The following SEMA5A variants were observed in gnomAD, a reference collection of about 807,000 sequenced individuals.
The protein encoded by SEMA5A is semaphorin 5A, also known as semaphorin-5A.
SEMA5A carries 55 observed loss-of-function variants against 135.5 expected under a neutral mutation model. That is an observed-to-expected ratio of 0.41 (90% CI 0.33 to 0.51). SEMA5A has a LOEUF of 0.51. Among genes scored for constraint, SEMA5A ranks in the 20% least tolerant of loss-of-function variants. The pLI is 0.37. For synonymous variants in SEMA5A, 580 were observed against 546.5 expected, an observed-to-expected ratio of 1.06 and a Z score of -0.85; for missense variants, 1,290 against 1,419.9, an observed-to-expected ratio of 0.91 and a Z score of 1.47.
At chr5:9,508,148 G>C (rs1009384587) in intron 1 of SEMA5A, among the ~76,000 whole-genome samples, 1 of 152,166 alleles carries the variant, frequency 6.6e-6, no homozygotes, top group Non-Finnish European at 1.5e-5. Context: ...ACAAAGCTTC[G>C]AATTTATCAC....
At chr5:9,426,316 C>T (rs1579520271) in intron 2 of SEMA5A, among the ~76,000 whole-genome samples, 1 of 151,502 alleles carries the variant, frequency 6.6e-6, no homozygotes, top group African/African-American at 2.4e-5. Context: ...TCCCAGCTAC[C>T]CGGCAGGCTG....
intron 4 of SEMA5A, among the ~76,000 whole-genome samples, chr5:9,327,789 G>A (rs1752945390): frequency 6.6e-6 from 1 of 152,080 alleles, no homozygotes; most frequent in Admixed American, 6.6e-5. Flanking sequence ...TCTAAGTGCT[G>A]TGAGGATTAC....
At chr5:9,509,587 T>G (rs56095432) in intron 1 of SEMA5A, among the ~76,000 whole-genome samples, 10,299 of 152,150 alleles carry the variant, frequency 0.068, 398 homozygotes, top group South Asian at 0.099. Flanking sequence ...AACATAAAAT[T>G]ATTTAATGAG....
At chr5:9,270,229 C>G (rs1749900081) in intron 5 of SEMA5A, among the ~76,000 whole-genome samples, 1 of 152,098 alleles carries the variant, frequency 6.6e-6, no homozygotes, top group Non-Finnish European at 1.5e-5. Flanking sequence ...TTAAGTGCAT[C>G]CAGTGTGATT....
At chr5:9,143,050 A>G (rs536359265) in intron 12 of SEMA5A, among the ~76,000 whole-genome samples, 2 of 152,374 alleles carry the variant, frequency 1.3e-5, no homozygotes, top group East Asian at 1.9e-4. Context: ...AGATCCTTCA[A>G]TTGGTAAATC....
intron 5 of SEMA5A, among the ~76,000 whole-genome samples, chr5:9,249,485 A>G (rs961292138): frequency 6.6e-6 from 1 of 152,118 alleles, no homozygotes; most frequent in Non-Finnish European, 1.5e-5. Flanking sequence ...AGAGTGACTC[A>G]TTTCCCTGGG....
intron 8 of SEMA5A, among the ~76,000 whole-genome samples, chr5:9,211,273 A>T (rs1746332183): frequency 4.1e-3 from 1 of 242 alleles, no homozygotes; most frequent in East Asian, 0.5. Context: ...CTTATTTGGA[A>T]AAAAAAAATA....
intron 3 of SEMA5A, among the ~76,000 whole-genome samples, chr5:9,341,687 A>C (rs968514152): frequency 6.8e-6 from 1 of 148,010 alleles, no homozygotes; most frequent in Non-Finnish European, 1.5e-5. Context: ...TATATATATA[A>C]AATTGGAAGT....
chr5:9,295,247 G>A (rs1183450302), intron 5 of SEMA5A, among the ~76,000 whole-genome samples: 2 of 152,168 alleles, frequency 1.3e-5, no homozygotes, highest in Non-Finnish European at 2.9e-5. Flanking sequence ...CCATTTGGGT[G>A]AATCTGATGA....
At chr5:9,200,385 G>C (rs1806082) in intron 9 of SEMA5A, among the ~76,000 whole-genome samples, 24,748 of 152,104 alleles carry the variant, frequency 0.16, 2,154 homozygotes, top group Admixed American at 0.26. Context: ...GTTTTGCCCA[G>C]AGCCAGGGGA....
At chr5:9,223,119 T>C (rs1285864009) in intron 8 of SEMA5A, among the ~76,000 whole-genome samples, 4 of 152,208 alleles carry the variant, frequency 2.6e-5, no homozygotes. Flanking sequence ...AATCAACTGA[T>C]TCGGTTGAAG....
intron 2 of SEMA5A, among the ~76,000 whole-genome samples, chr5:9,388,223 G>T (rs1452940025): frequency 6.6e-6 from 1 of 152,124 alleles, no homozygotes; most frequent in Non-Finnish European, 1.5e-5. Flanking sequence ...TTTCAATAAT[G>T]GTTCGGCTCC....
chr5:9,074,572 A>G (rs944203696), intron 16 of SEMA5A, among the ~76,000 whole-genome samples: 1 of 152,206 alleles, frequency 6.6e-6, no homozygotes, highest in Non-Finnish European at 1.5e-5. Context: ...AGTCTGAGAG[A>G]AAGTATTTGC....
chr5:9,288,273 C>T (rs1399129410), intron 5 of SEMA5A, among the ~76,000 whole-genome samples: 2 of 152,024 alleles, frequency 1.3e-5, no homozygotes, highest in Admixed American at 6.6e-5. Context: ...ACTAAGGGGC[C>T]CAAAGGAATG....
intron 12 of SEMA5A, among the ~76,000 whole-genome samples, chr5:9,153,882 C>T (rs2150258461): frequency 6.6e-6 from 1 of 150,804 alleles, no homozygotes. Flanking sequence ...CCTGTCTCTA[C>T]TAAAAATACC....
In SEMA5A at chr5:9,495,640, C is replaced by A. The variant is rs552558871; in HGVS notation, c.-175+49944G>T. Reference sequence around the variant, plus strand: ...ACAAGACTATAGTGAGACAAGCGTACACTCAGCAGGATGCGTCCACAGGAG... The same window carrying A: ...ACAAGACTATAGTGAGACAAGCGTAAACTCAGCAGGATGCGTCCACAGGAG... On this transcript the variant is annotated intron_variant, in intron 1 of 22. Coordinates refer to ENST00000382496, the MANE Select transcript of SEMA5A (RefSeq NM_003966.3). Among the ~76,000 whole-genome samples, 5 of 152,340 alleles carry A rather than the reference C, an allele frequency of 3.3e-5. No individual in the cohort carries two copies. In the East Asian group the frequency reaches 9.6e-4, roughly 29 times the overall value.
intron 10 of SEMA5A, among the ~76,000 whole-genome samples, chr5:9,194,039 C>T (rs1389345233): frequency 2.6e-5 from 4 of 152,160 alleles, no homozygotes; most frequent in East Asian, 3.9e-4. Flanking sequence ...CATTTCAACT[C>T]CATCCTTTCA....
At chr5:9,118,933 C>G (rs1740659174) in intron 15 of SEMA5A, 65 bp downstream of exon 15, 4 of 1,573,532 alleles carry the variant, frequency 2.5e-6, no homozygotes, top group Admixed American at 3.7e-5. Flanking sequence ...CCGCGGGGAA[C>G]TCGACCTGGC....
At chr5:9,311,022 C>A (rs918163623) in intron 5 of SEMA5A, among the ~76,000 whole-genome samples, 1 of 151,904 alleles carries the variant, frequency 6.6e-6, no homozygotes, top group East Asian at 1.9e-4. Flanking sequence ...ATCAAGTAAT[C>A]TTAATATCAC....
Sources: allele counts gnomAD v4.1 joint callset (sites outside exome capture counted in the v4.1 genomes callset), GRCh38; gene constraint gnomAD v4.1.1; transcripts MANE v1.5; gene names NCBI Gene and HGNC (gene_info 2026-07-23, HGNC 2026-07-21).